FAM20B: variants seen among roughly 807,000 people sequenced by gnomAD.
The protein encoded by FAM20B is FAM20B glycosaminoglycan xylosylkinase.
A neutral mutation model predicts 43.8 loss-of-function variants in FAM20B; 23 were observed. The observed-to-expected ratio is 0.53, with a 90% CI of 0.38 to 0.74. The LOEUF (loss-of-function observed/expected upper bound fraction) is 0.74, where lower values mean the gene tolerates loss of function less well. FAM20B is among the 30% of genes least tolerant of loss of function. FAM20B has a pLI of 0.00. For synonymous variants in FAM20B, 178 were observed against 192.4 expected, an observed-to-expected ratio of 0.93 and a Z score of 0.62; for missense variants, 440 against 510.5, an observed-to-expected ratio of 0.86 and a Z score of 1.33.
chr1:179,045,093 C>A lies in FAM20B; in HGVS notation c.377+869C>A, dbSNP rs867444598. Among the ~76,000 whole-genome samples, 4 of 152,306 alleles carry A rather than the reference C, an allele frequency of 2.6e-5. No individual in the cohort carries two copies. In the East Asian group the frequency reaches 7.7e-4, roughly 29 times the overall value. On this transcript the variant is annotated intron_variant, in intron 2 of 7. Transcript: ENST00000263733. ...GTATGTTGTTCATGATCCCTTTGGA[C>A]TTCCTAGGGATCTACAGAGATAATT... is the stretch of plus-strand genomic sequence containing the variant.
upstream of FAM20B, among the ~76,000 whole-genome samples, chr1:179,025,634 G>T (rs1649724707): frequency 6.6e-6 from 1 of 152,188 alleles, no homozygotes; most frequent in Admixed American, 6.5e-5. Flanking sequence ...AAAAAAGAGC[G>T]AAGGAAGTGA....
the FAM20B span, among the ~76,000 whole-genome samples, chr1:179,020,479 A>G: frequency 2.6e-5 from 4 of 152,154 alleles, no homozygotes; most frequent in African/African-American, 9.7e-5. Context: ...CTGGCTTCCT[A>G]CAGAAGGTTA....
At chr1:179,032,464 A>G (rs1018834736) in intron 1 of FAM20B, among the ~76,000 whole-genome samples, 5 of 151,730 alleles carry the variant, frequency 3.3e-5, no homozygotes, top group Non-Finnish European at 2.9e-5. Flanking sequence ...AGGTAATAGT[A>G]TTCTTGTTTC....
the FAM20B span, among the ~76,000 whole-genome samples, chr1:179,017,959 C>T: frequency 4.1e-4 from 63 of 152,192 alleles, no homozygotes; most frequent in Non-Finnish European, 7.6e-4. Context: ...AAACTGCAGA[C>T]GTGTGAAAGA....
intron 2 of FAM20B, 142 bp downstream of exon 2, chr1:179,044,366 C>A: frequency 1.1e-6 from 1 of 899,090 alleles, no homozygotes; most frequent in Non-Finnish European, 1.6e-6. Context: ...AAAGTCTTTT[C>A]TAGCACTTAA....
intron 7 of FAM20B, among the ~76,000 whole-genome samples, chr1:179,069,648 A>G (rs976889315): frequency 3.3e-5 from 5 of 152,226 alleles, no homozygotes; most frequent in Non-Finnish European, 5.9e-5. Context: ...CTGGGATTAC[A>G]GGCATGAGCC....
chr1:179,034,148 G>T (rs773514259), intron 1 of FAM20B, among the ~76,000 whole-genome samples: 14 of 152,302 alleles, frequency 9.2e-5, no homozygotes, highest in Non-Finnish European at 1.8e-4. Flanking sequence ...TTCACCTGGG[G>T]TGACCAGGAT....
intron 4 of FAM20B, among the ~76,000 whole-genome samples, chr1:179,060,644 CTG>C (rs1224290503): frequency 2.0e-5 from 3 of 152,242 alleles, no homozygotes; most frequent in Admixed American, 1.3e-4. Context: ...CAACCCCTGT[CTG>C]TGGAAAATTG....
intron 7 of FAM20B, among the ~76,000 whole-genome samples, chr1:179,069,675 A>G (rs954166235): frequency 6.6e-6 from 1 of 152,024 alleles, no homozygotes; most frequent in Non-Finnish European, 1.5e-5. Context: ...CCTGGCCAGC[A>G]GAGCATATTT....
intron 4 of FAM20B, among the ~76,000 whole-genome samples, chr1:179,062,077 G>T (rs940243899): frequency 6.6e-6 from 1 of 151,964 alleles, no homozygotes; most frequent in African/African-American, 2.4e-5. Context: ...CGCAATCTCG[G>T]CTTATTGCAA....
At chr1:179,040,960 T>C (rs1650484567) in intron 1 of FAM20B, among the ~76,000 whole-genome samples, 1 of 137,646 alleles carries the variant, frequency 7.3e-6, no homozygotes, top group South Asian at 2.4e-4. Flanking sequence ...GCAGAGGCGC[T>C]CCTCACATCC....
chr1:179,041,385 A>C (rs1650521402), intron 1 of FAM20B, among the ~76,000 whole-genome samples: 1 of 152,104 alleles, frequency 6.6e-6, no homozygotes, highest in Admixed American at 6.5e-5. Flanking sequence ...TGAGTGAACG[A>C]GACTCCGTCT....
At chr1:179,048,122 G>A (rs1375678450) in intron 2 of FAM20B, among the ~76,000 whole-genome samples, 1 of 151,958 alleles carries the variant, frequency 6.6e-6, no homozygotes, top group African/African-American at 2.4e-5. Context: ...TTCCATTCTA[G>A]AAGTAATTGA....
intron 1 of FAM20B, among the ~76,000 whole-genome samples, chr1:179,026,791 A>C (rs972549508): frequency 5.9e-5 from 9 of 152,218 alleles, no homozygotes; most frequent in Non-Finnish European, 1.0e-4. Context: ...CGTTTCCCTT[A>C]ATGATGAATG....
intron 1 of FAM20B, among the ~76,000 whole-genome samples, chr1:179,029,460 C>G (rs1005687889): frequency 6.6e-6 from 1 of 152,116 alleles, no homozygotes; most frequent in African/African-American, 2.4e-5. Context: ...GTCTTTCTTA[C>G]CAAAAACAAA....
chr1:179,041,619 A>ACGG (rs1650539546), intron 1 of FAM20B, among the ~76,000 whole-genome samples: 6 of 140,530 alleles, frequency 4.3e-5, no homozygotes, highest in African/African-American at 1.5e-4. Flanking sequence ...GACCGTGGAA[A>ACGG]GAGAGGGAGA....
chr1:179,072,062 T>G lies in FAM20B; in HGVS notation c.1148T>G (p.Leu383Arg). Residue 383 changes from leucine to arginine, a missense_variant, in exon 8 of 8, where the codon CTG (leucine) becomes CGG (arginine). Leu to Arg is a moderately radical substitution (Grantham distance 102). Transcript: ENST00000263733. ...GTGGACCAGCGGCTCCTGAGTGTCC[T>G]GGCCACCGTGAAGCAGTGCACCGAC... ...DAVDQRLLSV[L>R]ATVKQCTDQF... The G allele has an allele frequency of 1.2e-6, 2 of 1,614,178 alleles. No homozygotes were observed. The highest frequency in any genetic ancestry group is 8.5e-7 in the Non-Finnish European group (1 of 1,180,030).
chr1:179,028,260 G>A (rs1471231940), intron 1 of FAM20B, among the ~76,000 whole-genome samples: 1 of 152,198 alleles, frequency 6.6e-6, no homozygotes, highest in Non-Finnish European at 1.5e-5. Context: ...AGAAGCAGGA[G>A]GGCGTTCTTT....
intron 2 of FAM20B, among the ~76,000 whole-genome samples, chr1:179,048,048 A>G (rs1395377614): frequency 6.6e-6 from 1 of 152,032 alleles, no homozygotes; most frequent in Non-Finnish European, 1.5e-5. Flanking sequence ...ATAGAGTGAC[A>G]CTTTTATTTA....
Sources: gnomAD v4.1 joint callset for allele counts (sites outside exome capture counted in the v4.1 genomes callset) on GRCh38, gnomAD v4.1.1 for gene constraint, MANE v1.5 for transcripts, NCBI Gene and HGNC (gene_info 2026-07-23, HGNC 2026-07-21) for gene names.